The following SLC1A2 variants were observed in gnomAD, a reference collection of about 807,000 sequenced individuals.
SLC1A2 encodes solute carrier family 1 member 2.
Under a neutral mutation model 48.8 loss-of-function variants are expected in SLC1A2, and 15 were observed. The ratio of observed to expected loss-of-function variants is 0.31; its 90% CI spans 0.21 to 0.47. The LOEUF (loss-of-function observed/expected upper bound fraction) is 0.47, where lower values mean the gene tolerates loss of function less well. Among genes scored for constraint, SLC1A2 ranks in the 20% least tolerant of loss-of-function variants. SLC1A2 has a pLI of 0.99. For synonymous variants in SLC1A2, 279 were observed against 272.6 expected, an observed-to-expected ratio of 1.02 and a Z score of -0.23; for missense variants, 502 against 730.5, an observed-to-expected ratio of 0.69 and a Z score of 3.61.
At chr11:35,373,162 T>C (rs190521838) in intron 1 of SLC1A2, among the ~76,000 whole-genome samples, 4 of 152,320 alleles carry the variant, frequency 2.6e-5, no homozygotes, top group East Asian at 1.9e-4. Flanking sequence ...GATGGTGACT[T>C]GATAAAGCCT....
upstream of SLC1A2, chr11:35,419,956 G>T (rs1283946529): frequency 4.3e-6 from 2 of 469,734 alleles, no homozygotes; most frequent in Admixed American, 2.4e-5. This position sits in a 1 kb window ranked among gnomAD's most constrained non-coding sequence, Gnocchi z 5.4. Context: ...CACGTCTGGG[G>T]GTCCCAGGTC....
chr11:35,283,251 T>G (rs1591425032), intron 8 of SLC1A2, among the ~76,000 whole-genome samples: 1 of 152,186 alleles, frequency 6.6e-6, no homozygotes, highest in African/African-American at 2.4e-5. Flanking sequence ...TTAATAAAAA[T>G]GCTAAGAATT....
At chr11:35,380,663 A>G (rs1022122854) in intron 1 of SLC1A2, 1 of 340,732 alleles carries the variant, frequency 2.9e-6, no homozygotes. Flanking sequence ...AAATAAAAAC[A>G]AAATAAATAA....
chr11:35,323,185 C>T (rs1852134737), intron 1 of SLC1A2: 1 of 224,816 alleles, frequency 4.4e-6, no homozygotes, highest in Non-Finnish European at 8.8e-6. Flanking sequence ...TTTTCTATAG[C>T]TTCTTCCAGT....
chr11:35,275,369 T>C (rs544533593), intron 9 of SLC1A2, among the ~76,000 whole-genome samples: 37 of 152,368 alleles, frequency 2.4e-4, no homozygotes, highest in African/African-American at 8.2e-4. Context: ...GACACAGTTA[T>C]TTATTACCTC....
At chr11:35,295,475 C>A (rs1410215405) in intron 6 of SLC1A2, among the ~76,000 whole-genome samples, 1 of 152,218 alleles carries the variant, frequency 6.6e-6, no homozygotes, top group Non-Finnish European at 1.5e-5. Flanking sequence ...AAATGCCCAG[C>A]ACCCAAGGCC....
In SLC1A2 at chr11:35,260,983, C is replaced by T. The variant is rs749549408; in HGVS notation, c.1654-18G>A. On this transcript the variant is annotated intron_variant, in intron 10 of 10. Transcript: ENST00000278379. ...AGAGTTACCTGAAAATAATTATCAT[C>T]AACATCCAGCTTACAGACCACGAAC... 6 of 1,602,110 alleles carry T rather than the reference C, an allele frequency of 3.7e-6. No homozygotes were observed. In the East Asian group the frequency reaches 6.7e-5, roughly 18 times the overall value.
chr11:35,360,378 T>A (rs932367955), intron 1 of SLC1A2, among the ~76,000 whole-genome samples: 19 of 152,322 alleles, frequency 1.2e-4, no homozygotes, highest in African/African-American at 4.3e-4. Context: ...TACTTGGTTA[T>A]CCCAGCAGCC....
At chr11:35,371,155 C>A in intron 1 of SLC1A2, 1 of 772,148 alleles carries the variant, frequency 1.3e-6, no homozygotes, top group Non-Finnish European at 1.6e-6. Context: ...CCTAAAGCAA[C>A]CTACTTTGTC....
intron 1 of SLC1A2, among the ~76,000 whole-genome samples, chr11:35,356,598 C>G (rs1363842106): frequency 6.6e-6 from 1 of 152,212 alleles, no homozygotes; most frequent in Non-Finnish European, 1.5e-5. Context: ...CAGCAAAATT[C>G]AAGGATCCTT....
At chr11:35,379,821 T>C (rs1854364978) in intron 1 of SLC1A2, among the ~76,000 whole-genome samples, 1 of 152,200 alleles carries the variant, frequency 6.6e-6, no homozygotes, top group East Asian at 1.9e-4. Context: ...GGCAATCAAT[T>C]ACTTACGTGG....
At chr11:35,331,891 G>A (rs1481106593) in intron 1 of SLC1A2, among the ~76,000 whole-genome samples, 1 of 152,142 alleles carries the variant, frequency 6.6e-6, no homozygotes, top group African/African-American at 2.4e-5. Flanking sequence ...CTCTGTGAAG[G>A]AAGGGCCATA....
intron 6 of SLC1A2, among the ~76,000 whole-genome samples, chr11:35,294,739 T>C (rs918620137): frequency 3.3e-5 from 5 of 152,130 alleles, no homozygotes; most frequent in Non-Finnish European, 7.4e-5. Context: ...AGACTAGCTA[T>C]AGAGTCTCCT....
intron 1 of SLC1A2, among the ~76,000 whole-genome samples, chr11:35,412,151 G>A (rs988780845): frequency 1.1e-4 from 16 of 149,024 alleles, no homozygotes; most frequent in Admixed American, 5.3e-4. Flanking sequence ...AGTACAATTA[G>A]ATGACAAAAA....
chr11:35,375,019 T>C (rs1323254683), intron 1 of SLC1A2, among the ~76,000 whole-genome samples: 2 of 152,224 alleles, frequency 1.3e-5, no homozygotes, highest in African/African-American at 4.8e-5. Context: ...ACAAAAGGTA[T>C]TTGAATGGCA....
chr11:35,365,100 A>G (rs1182082711), intron 1 of SLC1A2, among the ~76,000 whole-genome samples: 8 of 152,238 alleles, frequency 5.3e-5, no homozygotes, highest in African/African-American at 1.7e-4. Context: ...ACAAATCCAC[A>G]TCCAGTTTTG....
intron 1 of SLC1A2, among the ~76,000 whole-genome samples, chr11:35,362,087 G>A (rs1853699198): frequency 6.6e-6 from 1 of 152,246 alleles, no homozygotes; most frequent in Non-Finnish European, 1.5e-5. Flanking sequence ...TGGAGCTTCA[G>A]TTCTCACCTG....
At chr11:35,296,314 C>A (rs926828681) in intron 6 of SLC1A2, among the ~76,000 whole-genome samples, 1 of 152,172 alleles carries the variant, frequency 6.6e-6, no homozygotes, top group Non-Finnish European at 1.5e-5. Context: ...GTCAATAGAC[C>A]TAAACACACA....
At chr11:35,288,464 C>T (rs1481426502) in intron 7 of SLC1A2, among the ~76,000 whole-genome samples, 1 of 152,152 alleles carries the variant, frequency 6.6e-6, no homozygotes, top group African/African-American at 2.4e-5. Flanking sequence ...TCCCTTTCTT[C>T]CTCTTACCCC....
Sources: allele counts gnomAD v4.1 joint callset (sites outside exome capture counted in the v4.1 genomes callset), GRCh38; gene constraint gnomAD v4.1.1; non-coding constraint Gnocchi (gnomAD v3.1); transcripts MANE v1.5; gene names NCBI Gene and HGNC (gene_info 2026-07-23, HGNC 2026-07-21).